TET2: variants seen among roughly 807,000 people sequenced by gnomAD.
TET2 encodes tet methylcytosine dioxygenase 2, also known as methylcytosine dioxygenase TET2.
In TET2, 299 loss-of-function variants were observed where a neutral mutation model predicts 142.9. The observed-to-expected ratio is 2.09, with a 90% CI of 1.90 to 2.30. The LOEUF is 2.30. Among genes scored for constraint, TET2 ranks in the 30% most tolerant of loss-of-function variants. The pLI is 0.00. For missense variants in TET2, 2,418 were observed against 2,378.0 expected, an observed-to-expected ratio of 1.02 and a Z score of -0.35; for synonymous variants, 819 against 849.0, an observed-to-expected ratio of 0.96 and a Z score of 0.61.
chr4:105,151,046 G>T (rs113130496), intron 1 of TET2, among the ~76,000 whole-genome samples: 1 of 152,120 alleles, frequency 6.6e-6, no homozygotes, highest in Non-Finnish European at 1.5e-5. Context: ...TTGGATGGGC[G>T]TGGTGACTCA....
rs144055348 is a variant in TET2 at position 105,206,491 on chromosome 4, G to C, written c.-47+15986G>C. Reference sequence around the variant, plus strand: ...AGGGCTTCAACTGCAGTCTACCTTTGTCCTGTTAGTTTTGTCTATCACAGC... The same window carrying C: ...AGGGCTTCAACTGCAGTCTACCTTTCTCCTGTTAGTTTTGTCTATCACAGC... On this transcript the variant is annotated intron_variant, in intron 2 of 10. Coordinates refer to ENST00000380013, the MANE Select transcript of TET2 (RefSeq NM_001127208.3). Among the ~76,000 whole-genome samples the C allele has an allele frequency of 6.0e-3, 907 of 152,268 alleles. 9 individuals carry two copies. Among genetic ancestry groups the C allele is most frequent in the South Asian group, 0.02 (97 of 4,818 alleles).
At chr4:105,154,098 CAGAA>C (rs1553941300) in intron 1 of TET2, among the ~76,000 whole-genome samples, 1 of 152,126 alleles carries the variant, frequency 6.6e-6, no homozygotes, top group Non-Finnish European at 1.5e-5. Context: ...TCTAAGGAGA[CAGAA>C]AGTTGGCTAG....
At chr4:105,261,918 A>G in intron 8 of TET2, 70 bp downstream of exon 8, 3 of 895,190 alleles carry the variant, frequency 3.4e-6, no homozygotes, top group South Asian at 3.3e-5. Context: ...GTCCAAAAAT[A>G]TTTTTGAAAC....
At chr4:105,229,760 A>G (rs1474230171) in intron 2 of TET2, among the ~76,000 whole-genome samples, 3 of 151,530 alleles carry the variant, frequency 2.0e-5, no homozygotes, top group African/African-American at 7.3e-5. Context: ...TTCATTATAT[A>G]TTCTCCAGAG....
chr4:105,169,804 C>T (rs1257017083), intron 1 of TET2, among the ~76,000 whole-genome samples: 7 of 152,150 alleles, frequency 4.6e-5, no homozygotes, highest in Non-Finnish European at 8.8e-5. Context: ...ATGTGGCTTA[C>T]CAGCTATCCC....
chr4:105,246,845 G>A lies in TET2; in HGVS notation c.3803+3067G>A, dbSNP rs116725169. Among the ~76,000 whole-genome samples the A allele has an allele frequency of 5.6e-3, 851 of 152,302 alleles. 11 individuals are homozygous for A. Among genetic ancestry groups the A allele is most frequent in the African/African-American group, 0.02 (821 of 41,564 alleles). On this transcript the variant is annotated intron_variant, in intron 6 of 10. Coordinates refer to ENST00000380013, the MANE Select transcript of TET2 (RefSeq NM_001127208.3). ...CTGTGAGTTCAGAAAAGAACTCTGA[G>A]TGCATCTTTCAGTAGGAAAGTAAAA...
At position 105,253,470 on chromosome 4, in the gene TET2, G is replaced by T. The variant is rs571505407; in HGVS notation, c.3804-6149G>T. On this transcript the variant is annotated intron_variant, in intron 6 of 10. Transcript: ENST00000380013. ...CTCAGATTCTGCTTGTACATTGCTG[G>T]TATGCAGAAAAGTGATCAACTTTTG... Among the ~76,000 whole-genome samples the T allele has an allele frequency of 7.3e-5, 11 of 151,328 alleles. No individual in the cohort carries two copies. The South Asian group carries it at 2.3e-3, about 32-fold the overall frequency.
chr4:105,223,888 T>C (rs1318921137), intron 2 of TET2, among the ~76,000 whole-genome samples: 4 of 152,266 alleles, frequency 2.6e-5, no homozygotes, highest in Non-Finnish European at 5.9e-5. Flanking sequence ...TTAGCAGATA[T>C]AGTTCCCATA....
chr4:105,248,909 A>T lies in TET2; in HGVS notation c.3803+5131A>T, dbSNP rs28665797. Among the ~76,000 whole-genome samples the T allele has an allele frequency of 3.6e-3, 544 of 149,416 alleles. 4 individuals carry two copies. The highest frequency in any genetic ancestry group is 0.011 in the African/African-American group (459 of 40,504). Reference sequence around the variant, plus strand: ...GCATTTTGTATTAGTGAAATCATGTATTTGGCCTTTCTCTCTGGCTTCTTT... The same window carrying T: ...GCATTTTGTATTAGTGAAATCATGTTTTTGGCCTTTCTCTCTGGCTTCTTT... On this transcript the variant is annotated intron_variant, in intron 6 of 10. Coordinates refer to ENST00000380013, the MANE Select transcript of TET2 (RefSeq NM_001127208.3).
At chr4:105,254,772 C>T (rs1730040906) in intron 6 of TET2, among the ~76,000 whole-genome samples, 1 of 152,048 alleles carries the variant, frequency 6.6e-6, no homozygotes. Context: ...AAATTGTTTT[C>T]CCCTCCTCCT....
chr4:105,247,528 A>G (rs1022788092), intron 6 of TET2, among the ~76,000 whole-genome samples: 17 of 152,106 alleles, frequency 1.1e-4, no homozygotes, highest in African/African-American at 4.1e-4. Flanking sequence ...CTTTTTATTT[A>G]TAATAGCCCT....
Position 105,235,614 on chromosome 4 carries a change from CACTATCTGAA to C in TET2, c.1675_1684del (p.Tyr559GlnfsTer6). 1 of 1,614,164 alleles carries C rather than the reference CACTATCTGAA, an allele frequency of 6.2e-7. No individual in the cohort carries two copies. Among genetic ancestry groups the C allele is most frequent in the Non-Finnish European group, 8.5e-7 (1 of 1,180,010 alleles). On this transcript the variant is annotated frameshift_variant, in exon 3 of 11. Coordinates refer to ENST00000380013, the MANE Select transcript of TET2 (RefSeq NM_001127208.3). LOFTEE classifies it high-confidence loss of function. ...ACGAGATCTTGTGCCCCCAACACAGCACTATCTGAAACCAGGATGGATTGAATTGAAGGCC... is the reference window on the plus strand; with the variant it reads ...ACGAGATCTTGTGCCCCCAACACAGCACCAGGATGGATTGAATTGAAGGCC...
At position 105,233,951 on chromosome 4, in the gene TET2, G is replaced by A. The variant is rs183431550; in HGVS notation, c.9G>A (p.Gln3=). Residue 3 remains glutamine (Q), a synonymous_variant, in exon 3 of 11, where the codon CAG becomes CAA. Transcript: ENST00000380013. The part of the protein sequence containing the change: ME[Q]DRTNHVEGNR... ...GCCCCGAAGCAAGCCTGATGGAACAGGATAGAACCAACCATGTTGAGGGCA... is the reference window on the plus strand; with the variant it reads ...GCCCCGAAGCAAGCCTGATGGAACAAGATAGAACCAACCATGTTGAGGGCA... The A allele has an allele frequency of 9.9e-6, 16 of 1,613,700 alleles. No individual in the cohort carries two copies. In the African/African-American group the frequency reaches 1.6e-4, roughly 16 times the overall value.
At position 105,235,330 on chromosome 4, in the gene TET2, C is replaced by T; in HGVS notation, c.1388C>T (p.Pro463Leu). The T allele has an allele frequency of 6.2e-7, 1 of 1,614,054 alleles. No homozygotes were observed. The highest frequency in any genetic ancestry group is 8.5e-7 in the Non-Finnish European group (1 of 1,179,994). Reference protein sequence around the residue: ...GKPEAPPSQSPNPSTHVCSPS... With the variant: ...GKPEAPPSQSLNPSTHVCSPS... ...CCTGAGGCACCACCTTCCCAGAGTC[C>T]TAATCCATCTACACATGTATGCAGC... The change falls in exon 3 of 11, where the codon CCT (proline) becomes CTT (leucine). Residue 463 changes from proline to leucine, a missense_variant. Coordinates refer to ENST00000380013, the MANE Select transcript of TET2 (RefSeq NM_001127208.3).
At chr4:105,189,124 C>G (rs1725633934) in intron 1 of TET2, among the ~76,000 whole-genome samples, 1 of 151,944 alleles carries the variant, frequency 6.6e-6, no homozygotes. Context: ...CTTACTATTT[C>G]TAGGCATGTG....
intron 2 of TET2, among the ~76,000 whole-genome samples, chr4:105,206,647 T>G (rs1257627037): frequency 6.6e-6 from 1 of 152,206 alleles, no homozygotes; most frequent in Non-Finnish European, 1.5e-5. Context: ...CTGCATTTTC[T>G]CTAGAAATTC....
intron 2 of TET2, among the ~76,000 whole-genome samples, chr4:105,205,136 C>T (rs1363635651): frequency 6.6e-6 from 1 of 151,994 alleles, no homozygotes; most frequent in Non-Finnish European, 1.5e-5. Context: ...TCAGAAATTC[C>T]TTATTTCAAA....
intron 3 of TET2, chr4:105,239,067 G>GTTTTTTTTTT (rs368644313): frequency 2.2e-5 from 2 of 92,684 alleles, no homozygotes; most frequent in Non-Finnish European, 4.2e-5. Context: ...TTTTGGTTTT[G>GTTTTTTTTTT]TTTTTTGTTT....
chr4:105,217,922 A>G (rs978466182), intron 2 of TET2, among the ~76,000 whole-genome samples: 15 of 152,018 alleles, frequency 9.9e-5, no homozygotes, highest in Admixed American at 3.3e-4. Context: ...GGTGGACACC[A>G]TTGCCTAGGA....
Sources: gnomAD v4.1 joint callset for allele counts (sites outside exome capture counted in the v4.1 genomes callset) on GRCh38, gnomAD v4.1.1 for gene constraint, MANE v1.5 for transcripts, NCBI Gene and HGNC (gene_info 2026-07-23, HGNC 2026-07-21) for gene names.